Variants in SHANK2 observed in about 807,000 individuals in gnomAD.
The protein encoded by SHANK2 is SH3 and multiple ankyrin repeat domains 2.
A neutral mutation model predicts 133.7 loss-of-function variants in SHANK2; 43 were observed. That is an observed-to-expected ratio of 0.32 (90% confidence interval 0.25 to 0.41). The LOEUF (loss-of-function observed/expected upper bound fraction) is 0.41. Among genes scored for constraint, SHANK2 ranks in the 10% least tolerant of loss-of-function variants. The probability of loss-of-function intolerance (pLI) is 1.00; values close to 1 mark genes in which losing one functional copy is unlikely to be tolerated. For synonymous variants in SHANK2, 1,017 were observed against 952.8 expected, an observed-to-expected ratio of 1.07 and a Z score of -1.24; for missense variants, 1,994 against 2,235.8, an observed-to-expected ratio of 0.89 and a Z score of 2.18.
intron 11 of SHANK2, among the ~76,000 whole-genome samples, chr11:70,874,409 C>T (rs1252832560): frequency 2.0e-5 from 3 of 152,132 alleles, no homozygotes; most frequent in Non-Finnish European, 4.4e-5. Flanking sequence ...CTGGCCCAGC[C>T]GTAGCTCACT....
At chr11:70,630,515 G>A (rs1432688141) in intron 17 of SHANK2, among the ~76,000 whole-genome samples, 1 of 152,224 alleles carries the variant, frequency 6.6e-6, no homozygotes, top group Admixed American at 6.5e-5. Flanking sequence ...CTCAGAGTGT[G>A]ACCTTCTTTG....
At position 70,568,820 on chromosome 11, in the gene SHANK2, T is replaced by C. The variant is rs544319853; in HGVS notation, c.2062-65889A>G. Among the ~76,000 whole-genome samples the C allele has an allele frequency of 2.6e-5, 4 of 152,224 alleles. No homozygotes were observed. The South Asian group carries it at 8.3e-4, about 32-fold the overall frequency. On this transcript the variant is annotated intron_variant, in intron 17 of 25. Transcript: ENST00000601538. ...GTGTGGCTCCAAGACTTTGATTCTT[T>C]GAGCCACCATGGCTAGACAGCCCCC...
intron 14 of SHANK2, among the ~76,000 whole-genome samples, chr11:70,738,502 G>A (rs1946454693): frequency 6.6e-6 from 1 of 152,244 alleles, no homozygotes; most frequent in Non-Finnish European, 1.5e-5. Flanking sequence ...TGTGCGGGGA[G>A]CAAGTGCATT....
In SHANK2 at chr11:71,122,835, C is replaced by A. The variant is rs549840086; in HGVS notation, c.208-3803G>T. 1.6e-3 allele frequency among the ~76,000 whole-genome samples: 245 copies of A among 152,256 alleles called. 3 individuals are homozygous for A. Among genetic ancestry groups the A allele is most frequent in the African/African-American group, 5.7e-3 (235 of 41,554 alleles). ...ATTCCCCCTCAAGCCTCAGAAGGAA[C>A]CAACCTTGCCTACCCCTTGACCTTG... On this transcript the variant is annotated intron_variant, in intron 3 of 25. Coordinates refer to ENST00000601538, the MANE Select transcript of SHANK2 (RefSeq NM_012309.5).
intron 3 of SHANK2, among the ~76,000 whole-genome samples, chr11:71,122,778 A>C (rs1480419948): frequency 3.3e-5 from 5 of 152,126 alleles, no homozygotes; most frequent in Non-Finnish European, 5.9e-5. Context: ...AAGCCCCCAG[A>C]AGCTGGGGTA....
intron 17 of SHANK2, among the ~76,000 whole-genome samples, chr11:70,506,645 C>G (rs536655016): frequency 2.0e-5 from 3 of 152,198 alleles, no homozygotes; most frequent in Non-Finnish European, 2.9e-5. Context: ...TTTGGACGAG[C>G]TTCCCTGCAG....
At chr11:71,229,660 T>G (rs1555122697) in intron 1 of SHANK2, among the ~76,000 whole-genome samples, 2 of 149,866 alleles carry the variant, frequency 1.3e-5, no homozygotes, top group Non-Finnish European at 2.9e-5. Context: ...CTCAGGAGGC[T>G]GAGGCAGGAG....
chr11:71,132,382 C>T (rs1952332274), intron 3 of SHANK2, among the ~76,000 whole-genome samples: 1 of 152,182 alleles, frequency 6.6e-6, no homozygotes, highest in South Asian at 2.1e-4. Context: ...GACGGCTGCT[C>T]CTCACCAGCA....
intron 17 of SHANK2, among the ~76,000 whole-genome samples, chr11:70,525,991 G>A (rs1251274766): frequency 2.0e-5 from 3 of 147,810 alleles, no homozygotes; most frequent in Non-Finnish European, 4.5e-5. Flanking sequence ...GGCATACTCT[G>A]CCCCCACCCC....
chr11:70,628,649 T>C (rs1323650852), intron 17 of SHANK2, among the ~76,000 whole-genome samples: 1 of 152,170 alleles, frequency 6.6e-6, no homozygotes, highest in Non-Finnish European at 1.5e-5. Flanking sequence ...CCCAGCATCA[T>C]GATGCTGCTG....
chr11:71,168,810 G>GGGCAGA (rs1565492269), intron 2 of SHANK2, among the ~76,000 whole-genome samples: 3 of 150,378 alleles, frequency 2.0e-5, no homozygotes, highest in South Asian at 4.2e-4. Flanking sequence ...GGGAGACCAT[G>GGGCAGA]GGGAGAGGGA....
intron 17 of SHANK2, among the ~76,000 whole-genome samples, chr11:70,573,557 G>GGGTGGGGGGGGT (rs2060076908): frequency 1.5e-5 from 2 of 132,024 alleles, no homozygotes; most frequent in African/African-American, 2.8e-5. Context: ...GGCGGGGGGG[G>GGGTGGGGGGGGT]GGTGGGGCAT....
chr11:71,196,584 C>T (rs973737063), intron 2 of SHANK2, among the ~76,000 whole-genome samples: 4 of 151,788 alleles, frequency 2.6e-5, no homozygotes, highest in Non-Finnish European at 5.9e-5. Context: ...GCACGTGGCC[C>T]TGCCTCTGGT....
intron 10 of SHANK2, among the ~76,000 whole-genome samples, chr11:70,914,243 T>C (rs1374892445): frequency 6.6e-6 from 1 of 152,050 alleles, no homozygotes; most frequent in East Asian, 1.9e-4. Flanking sequence ...CAGGAACAAG[T>C]GTGCAATGGG....
In SHANK2 at chr11:70,947,353, A is replaced by T. The variant is rs1021506436; in HGVS notation, c.1108-50786T>A. 7.1e-4 allele frequency among the ~76,000 whole-genome samples: 95 copies of T among 133,090 alleles called. 1 individual carries two copies. The highest frequency in any genetic ancestry group is 2.2e-3 in the African/African-American group (79 of 35,352). The allele number at this position is 133,090 out of a possible 152,430, so 87.3% of individuals were successfully genotyped here. ...ATGTGCTTAAGTAACTGACATCTAC[A>T]TTTTTTTTTTTTTTTTTTGAGATGA... On this transcript the variant is annotated intron_variant, in intron 10 of 25. Coordinates refer to ENST00000601538, the MANE Select transcript of SHANK2 (RefSeq NM_012309.5).
Position 70,487,160 on chromosome 11 carries a change from C to T in SHANK2, c.3133G>A (p.Gly1045Ser), listed in dbSNP as rs781787502. The change falls in exon 25 of 26, where the codon GGC (glycine) becomes AGC (serine). Residue 1045 changes from glycine (G) to serine (S), a missense_variant. Gly to Ser is a moderately conservative substitution (Grantham distance 56). This residue lies in a region of SHANK2 where 488 missense variants were observed against 642.6 expected (regional missense o/e 0.76). Coordinates refer to ENST00000601538, the MANE Select transcript of SHANK2 (RefSeq NM_012309.5). The surrounding 1 kb of genome is among the most constrained non-coding windows in gnomAD (Gnocchi z 5.8). ...ATGCTGCTGCCCTGGCTGCTCTTGC[C>T]GCTGCTGCTGGTGGACGGCTCCTTC... ...IVKEPSTSSS[G>S]KSSQGSSMEI... is the part of the protein sequence containing the mutation. The T allele has an allele frequency of 1.2e-6, 2 of 1,613,050 alleles. No homozygotes were observed. The highest frequency in any genetic ancestry group is 2.7e-5 in the African/African-American group (2 of 74,922).
intron 6 of SHANK2, among the ~76,000 whole-genome samples, chr11:71,097,612 C>A (rs535494811): frequency 6.6e-6 from 1 of 152,318 alleles, no homozygotes; most frequent in South Asian, 2.1e-4. Flanking sequence ...CTAGAGGCTG[C>A]CCAGCAGACT....
intron 15 of SHANK2, among the ~76,000 whole-genome samples, chr11:70,669,820 C>T (rs1427576953): frequency 1.3e-5 from 2 of 152,106 alleles, no homozygotes; most frequent in African/African-American, 4.8e-5. Flanking sequence ...GGCAGGTGTT[C>T]CCACCTTGCA....
chr11:71,064,839 T>G, intron 9 of SHANK2, among the ~76,000 whole-genome samples: 1 of 151,028 alleles, frequency 6.6e-6, no homozygotes, highest in Non-Finnish European at 1.5e-5. Flanking sequence ...CACACTGGAG[T>G]CTCCTAAGAG....
Sources: allele counts gnomAD v4.1 joint callset (sites outside exome capture counted in the v4.1 genomes callset), GRCh38; gene constraint gnomAD v4.1.1; regional missense constraint gnomAD v4.1.1; non-coding constraint Gnocchi (gnomAD v3.1); transcripts MANE v1.5; gene names NCBI Gene and HGNC (gene_info 2026-07-23, HGNC 2026-07-21).